TET1: variants seen among roughly 807,000 people sequenced by gnomAD.
TET1 encodes methylcytosine dioxygenase TET1.
TET1 carries 13 observed loss-of-function variants against 148.7 expected under a neutral mutation model. The ratio of observed to expected loss-of-function variants is 0.09; its 90% confidence interval spans 0.06 to 0.14. The LOEUF (loss-of-function observed/expected upper bound fraction) is 0.14. Among genes scored for constraint, TET1 ranks in the 10% least tolerant of loss-of-function variants. The pLI is 1.00. For synonymous variants in TET1, 907 were observed against 937.2 expected, an observed-to-expected ratio of 0.97 and a Z score of 0.59; for missense variants, 2,182 against 2,553.8, an observed-to-expected ratio of 0.85 and a Z score of 3.14.
At chr10:68,581,096 C>T (rs1176367722) in intron 2 of TET1, among the ~76,000 whole-genome samples, 2 of 152,086 alleles carry the variant, frequency 1.3e-5, no homozygotes, top group Non-Finnish European at 2.9e-5. Context: ...GCTAACTCCT[C>T]GGATAAGTGA....
intron 3 of TET1, among the ~76,000 whole-genome samples, chr10:68,611,673 T>C (rs1192447393): frequency 4.3e-5 from 6 of 140,252 alleles, no homozygotes; most frequent in African/African-American, 7.7e-5. Context: ...TCTTTTCTTT[T>C]CTTTCTTTTC....
Position 68,572,312 on chromosome 10 carries a change from C to T in TET1, c.-27C>T. The T allele has an allele frequency of 6.4e-7, 1 of 1,554,832 alleles. No individual in the cohort carries two copies. Among genetic ancestry groups the T allele is most frequent in the Non-Finnish European group, 8.7e-7 (1 of 1,154,222 alleles). On this transcript the variant is annotated 5_prime_UTR_variant, in exon 2 of 12. Transcript: ENST00000373644. Reference sequence around the variant, plus strand: ...GGACCAATGACTCTGTTTCCTGCGCCCTTTCATTTTTTCCTACTCTGTAGC... The same window carrying T: ...GGACCAATGACTCTGTTTCCTGCGCTCTTTCATTTTTTCCTACTCTGTAGC...
chr10:68,597,337 C>G (rs1044108000), intron 2 of TET1, among the ~76,000 whole-genome samples: 2 of 151,892 alleles, frequency 1.3e-5, no homozygotes, highest in African/African-American at 4.8e-5. Context: ...CCCGGCTGAT[C>G]GACTTAAATT....
intron 1 of TET1, among the ~76,000 whole-genome samples, chr10:68,566,969 C>G (rs1272851203): frequency 6.6e-6 from 1 of 151,930 alleles, no homozygotes; most frequent in Non-Finnish European, 1.5e-5. Flanking sequence ...GAGGTCAATA[C>G]TATTAGGTTT....
chr10:68,673,033 C>T lies in TET1; in HGVS notation c.4812C>T (p.Ser1604=), dbSNP rs767399974. 2 of 1,608,464 alleles carry T rather than the reference C, an allele frequency of 1.2e-6. No individual in the cohort carries two copies. The highest frequency in any genetic ancestry group is 2.2e-5 in the South Asian group (2 of 90,324). Reference sequence around the variant, plus strand: ...CCAGAAGATTTAGAATTGATCCAAGCTCTCCCTTACATGTAAGTGTCCTTC... The same window carrying T: ...CCAGAAGATTTAGAATTGATCCAAGTTCTCCCTTACATGTAAGTGTCCTTC... ...PSPRRFRIDP[S]SPLHEKNLED... Residue 1604 remains serine, a synonymous_variant, in exon 8 of 12, where the codon AGC becomes AGT. Coordinates refer to ENST00000373644, the MANE Select transcript of TET1 (RefSeq NM_030625.3).
intron 7 of TET1, among the ~76,000 whole-genome samples, chr10:68,668,729 G>A (rs544101167): frequency 5.3e-5 from 8 of 152,234 alleles, no homozygotes; most frequent in Admixed American, 2.6e-4. Flanking sequence ...ACAGGCATGC[G>A]CTTTGGGAGG....
intron 6 of TET1, among the ~76,000 whole-genome samples, chr10:68,661,225 G>GTTTTTTTT (rs1564498225): frequency 1.7e-4 from 16 of 94,864 alleles, no homozygotes; most frequent in African/African-American, 3.4e-4. Context: ...TTTTTTTGTA[G>GTTTTTTTT]TTTTAGTAGA....
chr10:68,677,428 T>C (rs1286870931), intron 8 of TET1, among the ~76,000 whole-genome samples: 1 of 152,234 alleles, frequency 6.6e-6, no homozygotes, highest in East Asian at 1.9e-4. Flanking sequence ...TATATTGACA[T>C]GGTTAAATTC....
At chr10:68,601,172 A>G (rs950502458) in intron 3 of TET1, 138 bp downstream of exon 3, 1 of 706,762 alleles carries the variant, frequency 1.4e-6, no homozygotes, top group African/African-American at 1.9e-5. Flanking sequence ...CCACTCAACT[A>G]AAGTGTTTTC....
intron 3 of TET1, among the ~76,000 whole-genome samples, chr10:68,626,976 A>G (rs536496028): frequency 1.7e-4 from 26 of 152,244 alleles, no homozygotes; most frequent in Non-Finnish European, 2.6e-4. Flanking sequence ...AAGAATTATT[A>G]GAAAAAGAAC....
intron 3 of TET1, among the ~76,000 whole-genome samples, chr10:68,625,387 C>CTA (rs2054463047): frequency 6.6e-6 from 1 of 152,142 alleles, no homozygotes; most frequent in Admixed American, 6.6e-5. Context: ...GGCTTCATCA[C>CTA]ACAGGAGCCT....
rs926976052 is a variant in TET1 at position 68,690,696 on chromosome 10, A to G, written c.5405-112A>G. 1.4e-5 allele frequency: 14 copies of G among 1,030,950 alleles called. No individual in the cohort carries two copies. The African/African-American group carries it at 1.4e-4, about 11-fold the overall frequency. The allele number at this position is 1,030,950 out of a possible 1,614,324, so 63.9% of individuals were successfully genotyped here. On this transcript the variant is annotated intron_variant, in intron 11 of 11. Transcript: ENST00000373644. ...ACAGAACAAAACCAACCAACACAACATCAGCGTTTTCTTATATAATTCTTT... is the reference window on the plus strand; with the variant it reads ...ACAGAACAAAACCAACCAACACAACGTCAGCGTTTTCTTATATAATTCTTT...
chr10:68,634,095 G>C (rs1345888479), intron 3 of TET1, among the ~76,000 whole-genome samples: 3 of 152,062 alleles, frequency 2.0e-5, no homozygotes, highest in Non-Finnish European at 4.4e-5. Flanking sequence ...ATGTTGCCTA[G>C]ACTGTTCTTG....
chr10:68,637,563 G>A (rs1212663021), intron 3 of TET1, among the ~76,000 whole-genome samples: 3 of 116,210 alleles, frequency 2.6e-5, no homozygotes, highest in East Asian at 2.7e-4. Context: ...TCATTCTCTC[G>A]CCCTCAGGCT....
Position 68,573,530 on chromosome 10 carries a change from A to G in TET1, c.1192A>G (p.Ile398Val). Reference protein sequence around the residue: ...ALGETPDLPEIPGAIPVQGEV... With the variant: ...ALGETPDLPEVPGAIPVQGEV... ...GGGTGAGACCCCAGATCTACCAGAG[A>G]TTCCTGGTGCTATTCCAGTCCAAGG... Residue 398 changes from isoleucine to valine, a missense_variant, in exon 2 of 12, where the codon ATT becomes GTT. Physicochemically the swap from Ile to Val is conservative, Grantham distance 29 (BLOSUM62 3). Transcript: ENST00000373644. 2 of 1,614,212 alleles carry G rather than the reference A, an allele frequency of 1.2e-6. No individual in the cohort carries two copies. Among genetic ancestry groups the G allele is most frequent in the Non-Finnish European group, 1.7e-6 (2 of 1,180,036 alleles).
At chr10:68,652,085 C>A in intron 5 of TET1, 149 bp downstream of exon 5, 2 of 707,024 alleles carry the variant, frequency 2.8e-6, no homozygotes, top group Non-Finnish European at 4.6e-6. Context: ...AGAGGGGTGT[C>A]CTCGTGTCCC....
intron 2 of TET1, among the ~76,000 whole-genome samples, chr10:68,596,027 C>CACATATATATATATATATATAT (rs71470531): frequency 1.6e-5 from 1 of 61,734 alleles, no homozygotes; most frequent in African/African-American, 7.1e-5. Flanking sequence ...CACACACACA[C>CACATATATATATATATATATAT]ATATATATAT....
Position 68,645,522 on chromosome 10 carries a change from A to G in TET1, c.2793A>G (p.Lys931=), listed in dbSNP as rs2054829726. 5 of 1,614,150 alleles carry G rather than the reference A, an allele frequency of 3.1e-6. No homozygotes were observed. The highest frequency in any genetic ancestry group is 3.4e-6 in the Non-Finnish European group (4 of 1,180,046). Residue 931 remains lysine, a synonymous_variant, in exon 4 of 12, where the codon AAA becomes AAG. Transcript: ENST00000373644. The stretch of plus-strand genomic sequence containing the variant: ...CAGCCAGTTTGCTTAATAGCTGCAA[A>G]GCTATCCTCTACACTGTAAGAAAAG... ...QRTASLLNSC[K]AILYTVRKDL...
intron 3 of TET1, among the ~76,000 whole-genome samples, chr10:68,616,917 C>T (rs966679913): frequency 2.0e-5 from 3 of 148,478 alleles, no homozygotes; most frequent in Non-Finnish European, 4.4e-5. Flanking sequence ...CTGTGTTAGC[C>T]AGGATGGTCT....
Sources: allele counts gnomAD v4.1 joint callset (sites outside exome capture counted in the v4.1 genomes callset), GRCh38; gene constraint gnomAD v4.1.1; transcripts MANE v1.5; gene names NCBI Gene and HGNC (gene_info 2026-07-23, HGNC 2026-07-21).